PHLDB2: variants seen among roughly 807,000 people sequenced by gnomAD.
PHLDB2 encodes pleckstrin homology-like domain family B member 2.
A neutral mutation model predicts 123.6 loss-of-function variants in PHLDB2; 71 were observed. The ratio of observed to expected loss-of-function variants is 0.57; its 90% CI spans 0.47 to 0.70. The LOEUF (loss-of-function observed/expected upper bound fraction) is 0.70, where lower values mean the gene tolerates loss of function less well. Ranked by LOEUF, PHLDB2 falls within the 30% of genes least tolerant of loss-of-function variation. PHLDB2 has a pLI of 0.00. For synonymous variants in PHLDB2, 547 were observed against 541.6 expected (o/e 1.01, Z -0.14); for missense variants, 1,446 against 1,519.5 (o/e 0.95, Z 0.80).
Position 111,975,133 on chromosome 3 carries a change from G to T in PHLDB2, c.*570G>T, listed in dbSNP as rs1442051063. 6.6e-6 allele frequency: 1 copy of T among 152,610 alleles called. No individual in the cohort carries two copies. The highest frequency in any genetic ancestry group is 2.4e-5 in the African/African-American group (1 of 41,440). The allele number at this position is 152,610 out of a possible 1,614,324, so 9.5% of individuals were successfully genotyped here. A position where few individuals can be genotyped will look rare whatever the true frequency, so the allele number is the denominator to read the frequency against. ...TTCTGTGGAACAGTAGTAACTGCAA[G>T]TGATGAACTGCATTTCGTATTGTTC... On this transcript the variant is annotated 3_prime_UTR_variant, in exon 18 of 18. Coordinates refer to ENST00000431670, the MANE Select transcript of PHLDB2 (RefSeq NM_001134438.2).
chr3:111,973,674 A>G, intron 16 of PHLDB2, 58 bp from the exon 17 acceptor site: 6 of 894,240 alleles, frequency 6.7e-6, no homozygotes, highest in Non-Finnish European at 1.1e-5. Context: ...TAATAAAATT[A>G]TTATTTTTTC....
At chr3:111,948,700 A>G (rs1247115574) in intron 9 of PHLDB2, among the ~76,000 whole-genome samples, 2 of 152,198 alleles carry the variant, frequency 1.3e-5, no homozygotes, top group African/African-American at 2.4e-5. Context: ...TACTACAGTT[A>G]TCTTGATTTC....
intron 1 of PHLDB2, among the ~76,000 whole-genome samples, chr3:111,816,785 A>C (rs972693598): frequency 6.6e-6 from 1 of 152,186 alleles, no homozygotes; most frequent in Non-Finnish European, 1.5e-5. Flanking sequence ...GAGAGGGGCC[A>C]ACAGTGGAAT....
chr3:111,745,731 C>G (rs757021059), intron 1 of PHLDB2, among the ~76,000 whole-genome samples: 3 of 151,440 alleles, frequency 2.0e-5, no homozygotes, highest in African/African-American at 7.3e-5. Flanking sequence ...CACTGCCCTC[C>G]GGCCTGGGCA....
At position 111,835,229 on chromosome 3, in the gene PHLDB2, G is replaced by A. The variant is rs142869329; in HGVS notation, c.-48-10592G>A. On this transcript the variant is annotated intron_variant, in intron 1 of 17. Transcript: ENST00000393923. ...AACTGATGGATTGGGGAAGAAACTT[G>A]CTTCCCATCACACAGCTGTAGCATC... Among the ~76,000 whole-genome samples, 409 of 152,154 alleles carry A rather than the reference G, an allele frequency of 2.7e-3. 3 individuals carry two copies. The highest frequency in any genetic ancestry group is 4.1e-3 in the Non-Finnish European group (277 of 67,990).
At chr3:111,898,134 G>A (rs934920604) in intron 2 of PHLDB2, among the ~76,000 whole-genome samples, 23 of 151,944 alleles carry the variant, frequency 1.5e-4, no homozygotes, top group African/African-American at 5.5e-4. Context: ...GGTGGTTCTT[G>A]AAGGTTGGAG....
At chr3:111,829,135 C>T (rs2062810515) in intron 1 of PHLDB2, among the ~76,000 whole-genome samples, 1 of 152,122 alleles carries the variant, frequency 6.6e-6, no homozygotes, top group South Asian at 2.1e-4. Context: ...TTAATTAGAG[C>T]CAACACACTA....
intron 9 of PHLDB2, among the ~76,000 whole-genome samples, chr3:111,948,467 C>T (rs1391175501): frequency 1.3e-5 from 2 of 152,188 alleles, no homozygotes; most frequent in East Asian, 3.8e-4. Context: ...CACTTTAATT[C>T]ATCAGGAAAC....
chr3:111,755,272 A>G (rs1443978162), intron 1 of PHLDB2, among the ~76,000 whole-genome samples: 2 of 136,168 alleles, frequency 1.5e-5, no homozygotes, highest in Admixed American at 1.5e-4. Context: ...CTGTGAATCC[A>G]TCTGGTCCCG....
intron 1 of PHLDB2, among the ~76,000 whole-genome samples, chr3:111,829,310 C>T (rs1449296170): frequency 2.0e-5 from 3 of 151,620 alleles, no homozygotes; most frequent in Admixed American, 2.0e-4. Context: ...ACAACTCAAA[C>T]TAGCCAATGG....
intron 1 of PHLDB2, among the ~76,000 whole-genome samples, chr3:111,781,839 A>T (rs2060487729): frequency 1.3e-5 from 2 of 152,040 alleles, no homozygotes; most frequent in Non-Finnish European, 2.9e-5. Flanking sequence ...ACTTTGCAAG[A>T]TTTTCTCAAG....
intron 16 of PHLDB2, among the ~76,000 whole-genome samples, chr3:111,972,784 A>G (rs1449784936): frequency 3.9e-5 from 6 of 152,178 alleles, no homozygotes; most frequent in Non-Finnish European, 7.4e-5. Context: ...ATTAAAGCTC[A>G]AGCAGATCTT....
At chr3:111,743,154 A>G (rs2059630889) in intron 1 of PHLDB2, among the ~76,000 whole-genome samples, 1 of 152,230 alleles carries the variant, frequency 6.6e-6, no homozygotes, top group Admixed American at 6.5e-5. Flanking sequence ...ACTTCCTTTT[A>G]GGAATTTATC....
At chr3:111,814,352 G>A (rs147809686) in intron 1 of PHLDB2, among the ~76,000 whole-genome samples, 1 of 152,090 alleles carries the variant, frequency 6.6e-6, no homozygotes, top group African/African-American at 2.4e-5. Context: ...CTCCCATGCT[G>A]GTTGCTTGCT....
chr3:111,803,345 A>G (rs911376223), intron 1 of PHLDB2, among the ~76,000 whole-genome samples: 2 of 152,196 alleles, frequency 1.3e-5, no homozygotes, highest in Admixed American at 1.3e-4. Flanking sequence ...GTTCTCTGCA[A>G]TCCTGAGATT....
At chr3:111,845,917 G>A (rs1559864842) in exon 2 of PHLDB2, 1 of 1,614,070 alleles carries the variant, frequency 6.2e-7, no homozygotes, top group Non-Finnish European at 8.5e-7. Context: ...AGATGGAGTT[G>A]GTGATGTGCA....
At chr3:111,780,400 GAA>G (rs761456173) in intron 1 of PHLDB2, among the ~76,000 whole-genome samples, 1 of 18,794 alleles carries the variant, frequency 5.3e-5, no homozygotes, top group Non-Finnish European at 2.2e-4. Context: ...AGAAGAAGAA[GAA>G]GAAGAAGAAA....
At chr3:111,780,131 C>A (rs2060349691) in intron 1 of PHLDB2, among the ~76,000 whole-genome samples, 1 of 150,900 alleles carries the variant, frequency 6.6e-6, no homozygotes, top group South Asian at 2.1e-4. Flanking sequence ...CACCAAAACT[C>A]ATGCTGGAAT....
chr3:111,951,716 A>G (rs1352443680), intron 10 of PHLDB2, among the ~76,000 whole-genome samples: 1 of 152,164 alleles, frequency 6.6e-6, no homozygotes, highest in African/African-American at 2.4e-5. Context: ...TTTCAAATAT[A>G]TTTCAGCAAA....
Sources: allele counts gnomAD v4.1 joint callset (sites outside exome capture counted in the v4.1 genomes callset), GRCh38; gene constraint gnomAD v4.1.1; transcripts MANE v1.5; gene names NCBI Gene and HGNC (gene_info 2026-07-23, HGNC 2026-07-21).